The following DMD variants were observed in gnomAD, a reference collection of about 807,000 sequenced individuals.
DMD encodes dystrophin, also known as mutant dystrophin.
In DMD, 63 loss-of-function variants were observed where a neutral mutation model predicts 330.1. The ratio of observed to expected loss-of-function variants is 0.19; its 90% CI spans 0.16 to 0.24. The LOEUF (loss-of-function observed/expected upper bound fraction) is 0.24, where lower values mean the gene tolerates loss of function less well. Ranked by LOEUF, DMD falls within the 10% of genes least tolerant of loss-of-function variation. The pLI is 1.00. For missense variants in DMD, 3,344 were observed against 2,684.1 expected (o/e 1.25, Z -5.43); for synonymous variants, 1,223 against 959.8 (o/e 1.27, Z -5.07).
chrX:32,039,365 C>G (rs1921375), intron 44 of DMD, among the ~76,000 whole-genome samples: 39,037 of 110,317 alleles, frequency 0.35, 5,207 homozygotes, highest in Non-Finnish European at 0.42. Context: ...AATTATACAG[C>G]TATTTATTGG....
At chrX:33,246,746 C>T (rs187728979) in intron 1 of DMD, among the ~76,000 whole-genome samples, 109 of 110,439 alleles carry the variant, frequency 9.9e-4, no homozygotes, top group African/African-American at 3.2e-3. Context: ...AGTGTGGTGG[C>T]GCGACCTCAG....
chrX:32,182,705 A>G (rs2096931559), intron 44 of DMD, among the ~76,000 whole-genome samples: 1 of 112,176 alleles, frequency 8.9e-6, no homozygotes, highest in Admixed American at 9.5e-5. Context: ...AAGCAAATGA[A>G]AACATCAGTA....
intron 55 of DMD, among the ~76,000 whole-genome samples, chrX:31,582,590 G>A (rs1270432798): frequency 2.7e-5 from 3 of 112,078 alleles, no homozygotes; most frequent in Non-Finnish European, 5.6e-5. Context: ...GATACGAATA[G>A]TAATAGCATC....
At chrX:32,905,762 G>C (rs1406433231) in intron 2 of DMD, among the ~76,000 whole-genome samples, 2 of 111,395 alleles carry the variant, frequency 1.8e-5, no homozygotes, top group African/African-American at 6.5e-5. Context: ...TTTTGCACAA[G>C]ATGATTCTTT....
intron 16 of DMD, among the ~76,000 whole-genome samples, chrX:32,564,155 A>G (rs1193434929): frequency 9.0e-6 from 1 of 111,672 alleles, no homozygotes; most frequent in Non-Finnish European, 1.9e-5. Flanking sequence ...ATGTTTAGGA[A>G]TATGCATTTT....
At position 32,517,900 on chromosome X, in the gene DMD, T is replaced by G. The variant is rs764472197; in HGVS notation, c.2292+108A>C. On this transcript the variant is annotated intron_variant, in intron 18 of 78. Coordinates refer to ENST00000357033, the MANE Select transcript of DMD (RefSeq NM_004006.3). ...TTTTTAAGACATATTAAACAGCATT[T>G]TATCATATCGCATTAATCTATCAAC... 9.0e-6 allele frequency: 8 copies of G among 883,978 alleles called. No individual in the cohort carries two copies. In the East Asian group the frequency reaches 1.9e-4, roughly 21 times the overall value. The allele number at this position is 883,978 out of a possible 1,213,427, so 72.8% of individuals were successfully genotyped here.
At chrX:31,269,650 G>C (rs143532002) in intron 62 of DMD, among the ~76,000 whole-genome samples, 5,295 of 112,098 alleles carry the variant, frequency 0.047, 142 homozygotes, top group Non-Finnish European at 0.071. Flanking sequence ...TCAGAGCAGA[G>C]AAGAGTAAAT....
At chrX:33,135,655 C>T (rs1479346605) in intron 1 of DMD, among the ~76,000 whole-genome samples, 2 of 112,005 alleles carry the variant, frequency 1.8e-5, no homozygotes, top group Non-Finnish European at 3.8e-5. Context: ...AACCTAGGCT[C>T]TGGAGCCTGA....
intron 43 of DMD, among the ~76,000 whole-genome samples, chrX:32,238,577 T>A (rs1460372602): frequency 1.8e-5 from 2 of 110,109 alleles, no homozygotes; most frequent in Admixed American, 9.7e-5. Flanking sequence ...CACAAAAGAG[T>A]CACTGAATCT....
chrX:32,385,412 T>A (rs1346850988), intron 33 of DMD, among the ~76,000 whole-genome samples: 1 of 110,959 alleles, frequency 9.0e-6, no homozygotes, highest in Non-Finnish European at 1.9e-5. Flanking sequence ...CAAAATGGAC[T>A]CAAGACTTAA....
intron 1 of DMD, among the ~76,000 whole-genome samples, chrX:33,087,377 A>G (rs1346402443): frequency 8.9e-6 from 1 of 112,421 alleles, no homozygotes; most frequent in South Asian, 3.7e-4. Context: ...TTTAGTTCAT[A>G]TGGCGAGACC....
chrX:32,082,872 A>C (rs1007138110), intron 44 of DMD, among the ~76,000 whole-genome samples: 1 of 111,750 alleles, frequency 8.9e-6, no homozygotes, highest in Non-Finnish European at 1.9e-5. Flanking sequence ...TGGCCCCTTT[A>C]ATGGTGTTTT....
chrX:33,003,183 T>C (rs1263587877), intron 2 of DMD, among the ~76,000 whole-genome samples: 1 of 110,749 alleles, frequency 9.0e-6, no homozygotes, highest in African/African-American at 3.3e-5. Flanking sequence ...GAGTCCATTA[T>C]ATCATTCTTA....
intron 44 of DMD, among the ~76,000 whole-genome samples, chrX:32,078,289 G>A (rs2096367516): frequency 1.8e-5 from 2 of 111,685 alleles, no homozygotes; most frequent in Non-Finnish European, 3.8e-5. Flanking sequence ...ATTAAGCCTT[G>A]TTGACTACAA....
chrX:31,991,537 C>T (rs1341587615), intron 44 of DMD, among the ~76,000 whole-genome samples: 1 of 110,225 alleles, frequency 9.1e-6, no homozygotes, highest in Non-Finnish European at 1.9e-5. Context: ...CATATGGAAA[C>T]TGCGGTCATA....
intron 78 of DMD, among the ~76,000 whole-genome samples, chrX:31,123,402 C>CTATTCATAA (rs779793758): frequency 1.8e-5 from 2 of 112,300 alleles, no homozygotes; most frequent in African/African-American, 6.5e-5. Flanking sequence ...GCATATGCAA[C>CTATTCATAA]TATTCATAAA....
chrX:33,093,833 T>C (rs1171342316), intron 1 of DMD, among the ~76,000 whole-genome samples: 1 of 111,276 alleles, frequency 9.0e-6, no homozygotes, highest in Admixed American at 9.7e-5. Flanking sequence ...GTTTTCAGAT[T>C]TGATTATATT....
chrX:32,511,627 C>T (rs966368722), intron 18 of DMD, among the ~76,000 whole-genome samples: 1 of 108,919 alleles, frequency 9.2e-6, no homozygotes, highest in Non-Finnish European at 1.9e-5. Context: ...CTACAATTAC[C>T]TCCTCGAAAT....
At chrX:31,482,406 CA>C (rs1389871279) in intron 57 of DMD, among the ~76,000 whole-genome samples, 1 of 111,186 alleles carries the variant, frequency 9.0e-6, no homozygotes, top group Non-Finnish European at 1.9e-5. Flanking sequence ...GCCTACATAT[CA>C]AAGTTTAATG....
Sources: gnomAD v4.1 joint callset for allele counts (sites outside exome capture counted in the v4.1 genomes callset) on GRCh38, gnomAD v4.1.1 for gene constraint, MANE v1.5 for transcripts, NCBI Gene and HGNC (gene_info 2026-07-23, HGNC 2026-07-21) for gene names.